IQCM: variants seen among roughly 807,000 people sequenced by gnomAD.
IQCM encodes the protein IQ domain-containing protein M.
In IQCM, 45 loss-of-function variants were observed where a neutral mutation model predicts 57.6. The observed-to-expected ratio is 0.78, with a 90% CI of 0.62 to 1.00. IQCM has a LOEUF of 1.00. Ranked by LOEUF, IQCM falls within the 50% of genes least tolerant of loss-of-function variation. The pLI is 0.00. For missense variants in IQCM, 468 were observed against 511.6 expected, an observed-to-expected ratio of 0.91 and a Z score of 0.82; for synonymous variants, 148 against 158.9, an observed-to-expected ratio of 0.93 and a Z score of 0.51.
chr4:149,356,872 C>G (rs1012885392), intron 13 of IQCM, among the ~76,000 whole-genome samples: 4 of 152,172 alleles, frequency 2.6e-5, no homozygotes, highest in African/African-American at 9.7e-5. Context: ...TCTTCCTACC[C>G]ATGAGCATGG....
intron 12 of IQCM, among the ~76,000 whole-genome samples, chr4:149,538,104 T>C (rs1480268004): frequency 4.0e-5 from 6 of 151,556 alleles, no homozygotes; most frequent in Non-Finnish European, 7.4e-5. Context: ...TTTATATATA[T>C]AACAGTATAA....
intron 5 of IQCM, among the ~76,000 whole-genome samples, chr4:149,726,251 C>T (rs950958908): frequency 1.3e-5 from 2 of 152,144 alleles, no homozygotes; most frequent in Admixed American, 1.3e-4. Context: ...AACCCCAACA[C>T]TTTCGGTCCC....
At chr4:149,776,491 G>C (rs969341828) in intron 2 of IQCM, among the ~76,000 whole-genome samples, 8 of 152,054 alleles carry the variant, frequency 5.3e-5, no homozygotes, top group African/African-American at 1.9e-4. Flanking sequence ...GTAACCACAA[G>C]ATACACAGCT....
intron 12 of IQCM, among the ~76,000 whole-genome samples, chr4:149,460,671 A>T (rs912349588): frequency 6.6e-6 from 1 of 152,170 alleles, no homozygotes; most frequent in Non-Finnish European, 1.5e-5. Flanking sequence ...GGAAGATCAG[A>T]AGGAAGAAAG....
At chr4:149,748,033 C>A (rs145437197) in intron 2 of IQCM, among the ~76,000 whole-genome samples, 1 of 152,134 alleles carries the variant, frequency 6.6e-6, no homozygotes, top group Admixed American at 6.6e-5. Context: ...CGTCTAGAAG[C>A]AAAAGATTTA....
chr4:149,655,113 T>C lies in IQCM; in HGVS notation c.565+27005A>G, dbSNP rs367688717. Reference sequence around the variant, plus strand: ...GATATATACATGAATGACCTACCTGTAATTTTTAAATGTTATATTTCAAGA... The same window carrying C: ...GATATATACATGAATGACCTACCTGCAATTTTTAAATGTTATATTTCAAGA... On this transcript the variant is annotated intron_variant, in intron 7 of 13. Transcript: ENST00000636793. 7.7e-4 allele frequency among the ~76,000 whole-genome samples: 118 copies of C among 152,276 alleles called. 2 individuals are homozygous for C. The South Asian group carries it at 0.022, about 29-fold the overall frequency.
chr4:149,584,568 A>G (rs1463003586), intron 9 of IQCM, among the ~76,000 whole-genome samples: 1 of 151,722 alleles, frequency 6.6e-6, no homozygotes, highest in African/African-American at 2.4e-5. Context: ...TCAACCCAGT[A>G]AATTCATTCT....
intron 12 of IQCM, among the ~76,000 whole-genome samples, chr4:149,503,528 T>A (rs915908475): frequency 8.5e-5 from 13 of 152,080 alleles, no homozygotes; most frequent in Admixed American, 2.6e-4. Flanking sequence ...TTAGAGAAAA[T>A]TTTTGATGTG....
At chr4:149,388,353 C>A (rs1321301490) in intron 13 of IQCM, among the ~76,000 whole-genome samples, 5 of 151,170 alleles carry the variant, frequency 3.3e-5, no homozygotes, top group African/African-American at 4.9e-5. Flanking sequence ...TATATGAATA[C>A]ATTCATTAAT....
Position 149,621,153 on chromosome 4 carries a change from T to C in IQCM, c.657A>G (p.Ser219=). 2.4e-6 allele frequency: 3 copies of C among 1,229,342 alleles called. No individual in the cohort carries two copies. Among genetic ancestry groups the C allele is most frequent in the Non-Finnish European group, 3.0e-6 (3 of 985,424 alleles). 76.2% of individuals were successfully genotyped at this position (1,229,342 alleles called of 1,614,324 possible). Residue 219 remains serine, a synonymous_variant, in exon 8 of 14, where the codon TCA becomes TCG. Transcript: ENST00000636793. ...DSRRVSFSQS[S]SIFRDYYSKT... ...CAGAATAATAATCCCGAAATATTGA[T>C]GATGATTGAGAGAAACTAACTCGAC...
chr4:149,456,616 C>A (rs1355640328), intron 12 of IQCM, among the ~76,000 whole-genome samples: 1 of 152,014 alleles, frequency 6.6e-6, no homozygotes, highest in Non-Finnish European at 1.5e-5. Context: ...TAGTGTCATG[C>A]AAGATCTCAA....
intron 12 of IQCM, among the ~76,000 whole-genome samples, 184 bp from the exon 13 acceptor site, chr4:149,433,741 A>G (rs1735086364): frequency 6.6e-6 from 1 of 152,002 alleles, no homozygotes; most frequent in Non-Finnish European, 1.5e-5. Flanking sequence ...AGCAAAAACT[A>G]AAGAGTAAGG....
chr4:149,726,144 G>GAAAGAAAGA lies in IQCM; in HGVS notation c.385+7091_385+7099dup, dbSNP rs1561204127. On this transcript the variant is annotated intron_variant, in intron 5 of 13. Transcript: ENST00000636793. ...GAAAGAAAGAAAGAAAGAAAGAAAA[G>GAAAGAAAGA]AAAGAAAGAAAGAATTTCATTTTTT... Among the ~76,000 whole-genome samples, 196 of 127,658 alleles carry GAAAGAAAGA rather than the reference G, an allele frequency of 1.5e-3. 2 individuals are homozygous for GAAAGAAAGA. The highest frequency in any genetic ancestry group is 4.9e-3 in the African/African-American group (151 of 30,568). 83.7% of individuals were successfully genotyped at this position (127,658 alleles called of 152,430 possible).
At chr4:149,614,384 C>T (rs1299982240) in intron 8 of IQCM, among the ~76,000 whole-genome samples, 1 of 152,084 alleles carries the variant, frequency 6.6e-6, no homozygotes, top group Non-Finnish European at 1.5e-5. Flanking sequence ...ATTATAGGTC[C>T]TTGCTTATCT....
At chr4:149,551,899 G>A (rs756758960) in intron 11 of IQCM, among the ~76,000 whole-genome samples, 10 of 151,096 alleles carry the variant, frequency 6.6e-5, no homozygotes, top group African/African-American at 1.7e-4. Flanking sequence ...CTCTCTTCTC[G>A]TTTTCTCATT....
chr4:149,596,474 C>T (rs370075513), intron 8 of IQCM, among the ~76,000 whole-genome samples: 1 of 151,788 alleles, frequency 6.6e-6, no homozygotes, highest in East Asian at 1.9e-4. Context: ...ACCTGCATGC[C>T]CTGCAGTTGA....
At chr4:149,519,453 C>G (rs1020077018) in intron 12 of IQCM, among the ~76,000 whole-genome samples, 7 of 151,800 alleles carry the variant, frequency 4.6e-5, no homozygotes, top group South Asian at 4.2e-4. Flanking sequence ...AACCCCGTCT[C>G]TACTAAAAAT....
chr4:149,734,376 T>C (rs186576098), intron 4 of IQCM, among the ~76,000 whole-genome samples: 136 of 152,302 alleles, frequency 8.9e-4, no homozygotes, highest in Non-Finnish European at 4.7e-4. Context: ...TCATCCCATG[T>C]TCCCACCAGT....
At chr4:149,626,309 G>GCT (rs950305037) in intron 7 of IQCM, among the ~76,000 whole-genome samples, 1 of 150,550 alleles carries the variant, frequency 6.6e-6, no homozygotes, top group African/African-American at 2.4e-5. Flanking sequence ...GCTCGCATTG[G>GCT]CTCTCCTTGC....
Sources: gnomAD v4.1 joint callset for allele counts (sites outside exome capture counted in the v4.1 genomes callset) on GRCh38, gnomAD v4.1.1 for gene constraint, MANE v1.5 for transcripts, NCBI Gene and HGNC (gene_info 2026-07-23, HGNC 2026-07-21) for gene names.